CUX2: variants seen among roughly 807,000 people sequenced by gnomAD.
CUX2 encodes the protein cut like homeobox 2.
Under a neutral mutation model 144.8 loss-of-function variants are expected in CUX2, and 40 were observed. The observed-to-expected ratio is 0.28, with a 90% CI of 0.21 to 0.36. The LOEUF is 0.36. Among genes scored for constraint, CUX2 ranks in the 10% least tolerant of loss-of-function variants. The pLI, the probability that CUX2 is intolerant of heterozygous loss-of-function variation, is 1.00. For synonymous variants in CUX2, 827 were observed against 875.6 expected (o/e 0.94, Z 0.98); for missense variants, 1,615 against 1,994.0 (o/e 0.81, Z 3.62).
intron 1 of CUX2, among the ~76,000 whole-genome samples, chr12:111,120,444 G>A (rs997939274): frequency 1.2e-4 from 18 of 152,162 alleles, no homozygotes; most frequent in South Asian, 2.1e-4. Context: ...AGCATCTGCC[G>A]TGGACATCAG....
chr12:111,306,067 T>A (rs937342067), intron 10 of CUX2, among the ~76,000 whole-genome samples: 6 of 151,788 alleles, frequency 4.0e-5, no homozygotes, highest in African/African-American at 7.3e-5. Flanking sequence ...TGGAGAGAGA[T>A]GGAGAGTGAG....
intron 19 of CUX2, among the ~76,000 whole-genome samples, chr12:111,335,925 A>C (rs1486145447): frequency 2.0e-5 from 3 of 152,070 alleles, no homozygotes; most frequent in Admixed American, 1.3e-4. Context: ...TAAATTAAAA[A>C]AAAAAAAAGA....
chr12:111,191,783 C>T (rs1879906864), intron 1 of CUX2, among the ~76,000 whole-genome samples: 1 of 152,188 alleles, frequency 6.6e-6, no homozygotes, highest in South Asian at 2.1e-4. Context: ...CCTCTGTTCT[C>T]CACCTGGGGA....
intron 1 of CUX2, among the ~76,000 whole-genome samples, chr12:111,150,589 G>C (rs1876976534): frequency 6.6e-6 from 1 of 152,198 alleles, no homozygotes; most frequent in Admixed American, 6.5e-5. Flanking sequence ...AGTTAGGGAA[G>C]GGAATAAGGA....
At chr12:111,087,387 A>G (rs1478269986) in intron 1 of CUX2, among the ~76,000 whole-genome samples, 1 of 150,070 alleles carries the variant, frequency 6.7e-6, no homozygotes, top group Non-Finnish European at 1.5e-5. Context: ...AAAAAAAAAA[A>G]AAAAAAAGAA....
At chr12:111,054,025 ACG>A (rs1870404816) in intron 1 of CUX2, among the ~76,000 whole-genome samples, 1 of 152,144 alleles carries the variant, frequency 6.6e-6, no homozygotes, top group Non-Finnish European at 1.5e-5. Context: ...ATGGTGGCAC[ACG>A]CCTGTAATCC....
At position 111,308,234 on chromosome 12, in the gene CUX2, C is replaced by T. The variant is rs751053777; in HGVS notation, c.1110-51C>T. On this transcript the variant is annotated intron_variant, in intron 12 of 21. Coordinates refer to ENST00000261726, the MANE Select transcript of CUX2 (RefSeq NM_015267.4). ...GTCAGTGCCTCTTGAAAGACCTCTC[C>T]TCCAGCCCGGGGGCTGGCTGACCTC... The T allele has an allele frequency of 1.6e-5, 25 of 1,608,188 alleles. No homozygotes were observed. In the African/African-American group the frequency reaches 2.7e-4, roughly 17 times the overall value.
chr12:111,298,710 T>A (rs1886140152), intron 9 of CUX2, 121 bp downstream of exon 9: 2 of 1,088,940 alleles, frequency 1.8e-6, no homozygotes, highest in Non-Finnish European at 1.3e-6. Context: ...CTGTGGGTCT[T>A]GTGCATGCCA....
At chr12:111,129,668 T>TC (rs759994936) in intron 1 of CUX2, among the ~76,000 whole-genome samples, 26 of 152,334 alleles carry the variant, frequency 1.7e-4, no homozygotes, top group Admixed American at 6.5e-4. Context: ...ATCTTTCTAG[T>TC]CCTTTATAGT....
rs1482183484 is a variant in CUX2 at position 111,289,433 on chromosome 12, TC to T, written c.302-1983del. On this transcript the variant is annotated intron_variant, in intron 4 of 21. Coordinates refer to ENST00000261726, the MANE Select transcript of CUX2 (RefSeq NM_015267.4). This position sits in a 1 kb window ranked among gnomAD's most constrained non-coding sequence, Gnocchi z 4.1. Reference sequence around the variant, plus strand: ...AAAATGCCTTGGATCCAAGCCAGCCTCCAGGGGATGCCGTGAGGATGCTGGG... The same window carrying T: ...AAAATGCCTTGGATCCAAGCCAGCCTCAGGGGATGCCGTGAGGATGCTGGG... Among the ~76,000 whole-genome samples the T allele has an allele frequency of 6.6e-6, 1 of 152,136 alleles. No individual in the cohort carries two copies.
chr12:111,192,781 T>G (rs1879977343), intron 1 of CUX2, among the ~76,000 whole-genome samples: 1 of 152,244 alleles, frequency 6.6e-6, no homozygotes. Context: ...AATACTAAGC[T>G]GCTACTTGCC....
chr12:111,039,251 G>A lies in CUX2; in HGVS notation c.63+5011G>A, dbSNP rs142186885. ...AGGTGGTGACCTGCCTTTGTTCCTG[G>A]CCTTGGGATTCAGGGTCCCATCTTC... On this transcript the variant is annotated intron_variant, in intron 1 of 21. Coordinates refer to ENST00000261726, the MANE Select transcript of CUX2 (RefSeq NM_015267.4). The surrounding 1 kb of genome is among the most constrained non-coding windows in gnomAD (Gnocchi z 4.2). Among the ~76,000 whole-genome samples the A allele has an allele frequency of 1.2e-3, 190 of 152,208 alleles. 1 individual carries two copies. The highest frequency in any genetic ancestry group is 3.8e-3 in the African/African-American group (156 of 41,522).
At chr12:111,129,810 A>G (rs951273449) in intron 1 of CUX2, among the ~76,000 whole-genome samples, 1 of 152,216 alleles carries the variant, frequency 6.6e-6, no homozygotes, top group Non-Finnish European at 1.5e-5. Flanking sequence ...CAGGTCAGGC[A>G]TCCAGTGTGG....
intron 1 of CUX2, among the ~76,000 whole-genome samples, chr12:111,075,286 A>C (rs1379890719): frequency 6.6e-6 from 1 of 152,214 alleles, no homozygotes; most frequent in East Asian, 1.9e-4. Flanking sequence ...AGACAGGATC[A>C]ATAGGATCAG....
intron 3 of CUX2, among the ~76,000 whole-genome samples, chr12:111,226,508 A>G (rs1246685913): frequency 6.6e-6 from 1 of 152,208 alleles, no homozygotes; most frequent in African/African-American, 2.4e-5. Flanking sequence ...AAAGTAAATT[A>G]TTAATGCTTT....
At chr12:111,258,470 G>A (rs1275085656) in intron 3 of CUX2, among the ~76,000 whole-genome samples, 6 of 145,222 alleles carry the variant, frequency 4.1e-5, no homozygotes, top group Non-Finnish European at 8.9e-5. Flanking sequence ...CTGAGATTGC[G>A]CCACTGCACT....
At chr12:111,070,450 TTCCTTCTTTTTCAAGA>T (rs1871216104) in intron 1 of CUX2, among the ~76,000 whole-genome samples, 1 of 104,360 alleles carries the variant, frequency 9.6e-6, no homozygotes, top group African/African-American at 3.3e-5. Flanking sequence ...CCTTCCTTCC[TTCCTTCTTTTTCAAGA>T]TTTTCTTTAC....
intron 1 of CUX2, among the ~76,000 whole-genome samples, chr12:111,140,935 C>CA (rs1246834701): frequency 5.3e-5 from 8 of 152,140 alleles, no homozygotes; most frequent in Admixed American, 1.3e-4. Context: ...GTGACGCCTG[C>CA]AGGATATGTT....
chr12:111,193,746 C>G (rs1376803946), intron 1 of CUX2, among the ~76,000 whole-genome samples: 1 of 152,128 alleles, frequency 6.6e-6, no homozygotes. Context: ...GGCAGCACTG[C>G]CATGGGCTTG....
Sources: gnomAD v4.1 joint callset for allele counts (sites outside exome capture counted in the v4.1 genomes callset) on GRCh38, gnomAD v4.1.1 for gene constraint, Gnocchi (gnomAD v3.1) non-coding constraint, MANE v1.5 for transcripts, NCBI Gene and HGNC (gene_info 2026-07-23, HGNC 2026-07-21) for gene names.